The following DCDC1 variants were observed in gnomAD, a reference collection of about 807,000 sequenced individuals.
The protein encoded by DCDC1 is doublecortin domain-containing protein 1.
A neutral mutation model predicts 178.3 loss-of-function variants in DCDC1; 200 were observed. That is an observed-to-expected ratio of 1.12 (90% CI 1.00 to 1.26). DCDC1 has a LOEUF of 1.26. Ranked by LOEUF, DCDC1 falls within the 50% of genes most tolerant of loss-of-function variation. The pLI, the probability that DCDC1 is intolerant of heterozygous loss-of-function variation, is 0.00. For synonymous variants in DCDC1, 690 were observed against 604.8 expected, an observed-to-expected ratio of 1.14 and a Z score of -2.07; for missense variants, 1,983 against 1,749.2, an observed-to-expected ratio of 1.13 and a Z score of -2.38.
intron 28 of DCDC1, 62 bp from the exon 29 acceptor site, chr11:30,909,178 T>C: frequency 1.4e-6 from 2 of 1,404,994 alleles, no homozygotes; most frequent in South Asian, 3.2e-5. Flanking sequence ...GTGTCTTGTT[T>C]TTCATTGCAT....
chr11:30,941,401 C>T (rs886637526), intron 21 of DCDC1, among the ~76,000 whole-genome samples: 4 of 152,132 alleles, frequency 2.6e-5, no homozygotes, highest in Non-Finnish European at 4.4e-5. Context: ...TCTCTCTGAC[C>T]TTCTCCCCTG....
At chr11:30,961,554 A>C (rs901274450) in intron 20 of DCDC1, among the ~76,000 whole-genome samples, 1 of 152,046 alleles carries the variant, frequency 6.6e-6, no homozygotes, top group East Asian at 1.9e-4. Flanking sequence ...TTTGCTGACC[A>C]CTTTTCAGTT....
intron 7 of DCDC1, among the ~76,000 whole-genome samples, chr11:31,273,724 A>G (rs534993948): frequency 6.6e-6 from 1 of 152,306 alleles, no homozygotes; most frequent in Non-Finnish European, 1.5e-5. Context: ...TCTTGGTACC[A>G]ATTTACTGTA....
intron 9 of DCDC1, among the ~76,000 whole-genome samples, chr11:31,188,105 C>A (rs1969720912): frequency 6.6e-6 from 1 of 152,112 alleles, no homozygotes; most frequent in Non-Finnish European, 1.5e-5. Context: ...TATAAGCCTG[C>A]ACCACTGTAC....
Position 30,952,520 on chromosome 11 carries a change from A to G in DCDC1, c.2640T>C (p.His880=). The G allele has an allele frequency of 6.3e-7, 1 of 1,587,122 alleles. No homozygotes were observed. The highest frequency in any genetic ancestry group is 8.5e-7 in the Non-Finnish European group (1 of 1,170,732). ...TCCATAGAGGATTTTCAACTCTAGAATGTTTCCACTGGCCTGGCTTACTGG... is the reference window on the plus strand; with the variant it reads ...TCCATAGAGGATTTTCAACTCTAGAGTGTTTCCACTGGCCTGGCTTACTGG... ...EGTSKPGQWK[H]SRVENPLWNK... Residue 880 remains histidine (H), a synonymous_variant, in exon 21 of 39, where the codon CAT becomes CAC. Coordinates refer to ENST00000684477, the MANE Select transcript of DCDC1 (RefSeq NM_001387274.1).
chr11:31,001,408 G>T (rs1478110626), intron 20 of DCDC1, among the ~76,000 whole-genome samples: 2 of 151,954 alleles, frequency 1.3e-5, no homozygotes, highest in Non-Finnish European at 2.9e-5. Context: ...GAAATCTTTT[G>T]CCTGCTTAGA....
intron 9 of DCDC1, among the ~76,000 whole-genome samples, chr11:31,199,166 G>A (rs147361793): frequency 2.6e-5 from 4 of 152,086 alleles, no homozygotes; most frequent in East Asian, 1.9e-4. Context: ...ATCCATTGGC[G>A]CAATCAGGGA....
At chr11:31,224,444 T>G (rs749892812) in intron 9 of DCDC1, among the ~76,000 whole-genome samples, 2 of 151,888 alleles carry the variant, frequency 1.3e-5, no homozygotes, top group Non-Finnish European at 2.9e-5. Flanking sequence ...TTCTAGACAT[T>G]GATATGGGCA....
chr11:31,050,535 A>G (rs1955175531), intron 20 of DCDC1, among the ~76,000 whole-genome samples: 1 of 152,228 alleles, frequency 6.6e-6, no homozygotes, highest in African/African-American at 2.4e-5. Context: ...GTGTCCTGGC[A>G]GGAGGCCAAC....
intron 20 of DCDC1, among the ~76,000 whole-genome samples, chr11:31,005,266 A>C (rs1282325670): frequency 6.6e-6 from 1 of 152,222 alleles, no homozygotes; most frequent in Non-Finnish European, 1.5e-5. Context: ...GTCCACCAAC[A>C]ACAATGGCTG....
At position 31,025,072 on chromosome 11, in the gene DCDC1, A is replaced by G. The variant is rs147099289; in HGVS notation, c.2591+39397T>C. Among the ~76,000 whole-genome samples, 303 of 151,980 alleles carry G rather than the reference A, an allele frequency of 2.0e-3. 1 individual carries two copies. Among genetic ancestry groups the G allele is most frequent in the African/African-American group, 7.0e-3 (291 of 41,558 alleles). ...CATAATTCTGAGTATGAATTATGTTATCTATAGTAATTTCAACTAAAGTAT... is the reference window on the plus strand; with the variant it reads ...CATAATTCTGAGTATGAATTATGTTGTCTATAGTAATTTCAACTAAAGTAT... On this transcript the variant is annotated intron_variant, in intron 20 of 38. Coordinates refer to ENST00000684477, the MANE Select transcript of DCDC1 (RefSeq NM_001387274.1).
chr11:31,090,953 TAAG>T (rs1957784690), intron 17 of DCDC1, among the ~76,000 whole-genome samples: 1 of 152,106 alleles, frequency 6.6e-6, no homozygotes, highest in Non-Finnish European at 1.5e-5. Context: ...AAAAAACAAA[TAAG>T]AAGGACACTT....
At chr11:31,115,885 T>C (rs536387096) in intron 11 of DCDC1, among the ~76,000 whole-genome samples, 141 of 150,344 alleles carry the variant, frequency 9.4e-4, no homozygotes, top group Non-Finnish European at 1.5e-3. Context: ...AACCAAATGT[T>C]GGATGCAGGC....
At chr11:31,042,583 T>C (rs1954535614) in intron 20 of DCDC1, among the ~76,000 whole-genome samples, 1 of 152,150 alleles carries the variant, frequency 6.6e-6, no homozygotes, top group African/African-American at 2.4e-5. Context: ...CCAAGGTTTG[T>C]TGTTGTTTTT....
chr11:31,213,563 T>C (rs1973118590), intron 9 of DCDC1, among the ~76,000 whole-genome samples: 1 of 151,610 alleles, frequency 6.6e-6, no homozygotes, highest in Admixed American at 6.6e-5. Context: ...TTATTAAAAA[T>C]ACAAAAATTA....
chr11:30,921,725 G>A (rs1946259398), intron 24 of DCDC1, among the ~76,000 whole-genome samples: 1 of 152,172 alleles, frequency 6.6e-6, no homozygotes, highest in South Asian at 2.1e-4. Context: ...GGGTATCTTA[G>A]TTAAACTGGG....
At chr11:31,050,207 G>A (rs1270874066) in intron 20 of DCDC1, among the ~76,000 whole-genome samples, 2 of 152,086 alleles carry the variant, frequency 1.3e-5, no homozygotes, top group African/African-American at 4.8e-5. Flanking sequence ...GCATGGGAGC[G>A]GGGTGAGGCC....
chr11:31,046,526 T>C (rs919699934), intron 20 of DCDC1, among the ~76,000 whole-genome samples: 6 of 151,538 alleles, frequency 4.0e-5, no homozygotes, highest in African/African-American at 1.5e-4. Flanking sequence ...GGTTCAATTA[T>C]GCCAAAGTTA....
chr11:30,895,787 AC>A (rs2134074036), intron 34 of DCDC1, among the ~76,000 whole-genome samples: 1 of 152,334 alleles, frequency 6.6e-6, no homozygotes, highest in Admixed American at 6.5e-5. Context: ...CCTCACAAAT[AC>A]GTAACACAAA....
Sources: gnomAD v4.1 joint callset for allele counts (sites outside exome capture counted in the v4.1 genomes callset) on GRCh38, gnomAD v4.1.1 for gene constraint, MANE v1.5 for transcripts, NCBI Gene and HGNC (gene_info 2026-07-23, HGNC 2026-07-21) for gene names.